Variants in FBRSL1 observed in about 807,000 individuals in gnomAD.
FBRSL1 encodes fibrosin-1-like protein.
In FBRSL1, 51 loss-of-function variants were observed where a neutral mutation model predicts 89.6. That is an observed-to-expected ratio of 0.57 (90% CI 0.45 to 0.72). FBRSL1 has a LOEUF of 0.72. FBRSL1 is among the 30% of genes least tolerant of loss of function. The pLI is 0.00. For missense variants in FBRSL1, 1,618 were observed against 1,451.8 expected (o/e 1.11, Z -1.86); for synonymous variants, 779 against 681.1 (o/e 1.14, Z -2.24).
chr12:132,543,843 G>A (rs943196112), intron 4 of FBRSL1, among the ~76,000 whole-genome samples: 2 of 152,320 alleles, frequency 1.3e-5, no homozygotes, highest in Non-Finnish European at 2.9e-5. Context: ...GCCCCACTGC[G>A]GCTCTCACAC....
intron 4 of FBRSL1, among the ~76,000 whole-genome samples, chr12:132,547,448 G>GA (rs1402078663): frequency 2.6e-5 from 4 of 152,186 alleles, no homozygotes; most frequent in Non-Finnish European, 5.9e-5. Flanking sequence ...AGCGGCCGTG[G>GA]CCCTCCGTGC....
rs2033527317 is a variant in FBRSL1, at chr12:132,505,180, A to G, written c.292-2973A>G. On this transcript the variant is annotated intron_variant, in intron 1 of 18. Coordinates refer to ENST00000680143, the MANE Select transcript of FBRSL1 (RefSeq NM_001367871.1). ...CACCACTTAGCAGAGCACCTGGCACAGACCTCACTGCGGTGAACACGATGA... is the reference window on the plus strand; with the variant it reads ...CACCACTTAGCAGAGCACCTGGCACGGACCTCACTGCGGTGAACACGATGA... Among the ~76,000 whole-genome samples the G allele has an allele frequency of 1.3e-5, 2 of 152,246 alleles. 1 individual carries two copies. The highest frequency in any genetic ancestry group is 4.8e-5 in the African/African-American group (2 of 41,468).
At chr12:132,539,157 C>T (rs1289192041) in intron 4 of FBRSL1, among the ~76,000 whole-genome samples, 1 of 152,110 alleles carries the variant, frequency 6.6e-6, no homozygotes, top group East Asian at 1.9e-4. Flanking sequence ...CCCTCGGGCT[C>T]CATGGCAGCT....
intron 6 of FBRSL1, among the ~76,000 whole-genome samples, chr12:132,569,156 G>A (rs997345375): frequency 1.3e-5 from 2 of 152,006 alleles, no homozygotes; most frequent in African/African-American, 4.8e-5. Context: ...TGACTCCTGG[G>A]GACTTGATCT....
chr12:132,583,493 G>C lies in FBRSL1; in HGVS notation c.2724G>C (p.Pro908=). The C allele has an allele frequency of 4.8e-6, 5 of 1,046,126 alleles. No homozygotes were observed. Among genetic ancestry groups the C allele is most frequent in the Non-Finnish European group, 4.6e-6 (4 of 868,856 alleles). 64.8% of individuals were successfully genotyped at this position (1,046,126 alleles called of 1,614,324 possible). A position where few individuals can be genotyped will look rare whatever the true frequency, so the allele number is the denominator to read the frequency against. ...GGGAGCTGGAGCGCGCGCGGGCCCC[G>C]CACCTGCCGCCCGCCGCCCCCGCCT... ...LRGELERARA[P]HLPPAAPALD... The change falls in exon 19 of 19, where the codon CCG becomes CCC. Residue 908 remains proline (P), a synonymous_variant. Coordinates refer to ENST00000680143, the MANE Select transcript of FBRSL1 (RefSeq NM_001367871.1).
At chr12:132,565,643 G>C (rs945129711) in intron 5 of FBRSL1, 4 of 152,244 alleles carry the variant, frequency 2.6e-5, no homozygotes, top group African/African-American at 9.6e-5. Context: ...ACGTGTACCC[G>C]AGTGTGTGTA....
intron 2 of FBRSL1, among the ~76,000 whole-genome samples, chr12:132,514,447 G>T (rs1484018536): frequency 6.6e-6 from 1 of 152,222 alleles, no homozygotes; most frequent in Non-Finnish European, 1.5e-5. Context: ...TGACCAGGCC[G>T]AGGCCACCGG....
chr12:132,547,423 G>A (rs962633711), intron 4 of FBRSL1, among the ~76,000 whole-genome samples: 7 of 152,186 alleles, frequency 4.6e-5, no homozygotes, highest in Non-Finnish European at 1.0e-4. Flanking sequence ...CGCTGGCATC[G>A]AGTGTCTAAC....
chr12:132,577,345 G>A (rs1017848333), intron 15 of FBRSL1, among the ~76,000 whole-genome samples: 13 of 152,140 alleles, frequency 8.5e-5, no homozygotes, highest in African/African-American at 2.9e-4. Flanking sequence ...AGGCCCACGC[G>A]AGGCTGCCCC....
intron 5 of FBRSL1, among the ~76,000 whole-genome samples, chr12:132,558,413 C>A (rs977167795): frequency 6.6e-6 from 1 of 152,242 alleles, no homozygotes; most frequent in Non-Finnish European, 1.5e-5. Context: ...GTACAGGCTT[C>A]AGGGCCCTGT....
intron 4 of FBRSL1, among the ~76,000 whole-genome samples, chr12:132,543,227 G>T (rs1472069828): frequency 6.6e-6 from 1 of 152,232 alleles, no homozygotes; most frequent in Non-Finnish European, 1.5e-5. Context: ...TGCCTCCTCC[G>T]ACTCAGAAGC....
In FBRSL1 at chr12:132,564,779, G is replaced by A. The variant is rs935173556; in HGVS notation, c.646-2702G>A. 7.1e-5 allele frequency among the ~76,000 whole-genome samples: 8 copies of A among 112,458 alleles called. 2 individuals carry two copies. The highest frequency in any genetic ancestry group is 1.2e-4 in the Non-Finnish European group (7 of 58,154). 73.8% of individuals were successfully genotyped at this position (112,458 alleles called of 152,430 possible). On this transcript the variant is annotated intron_variant, in intron 5 of 18. Coordinates refer to ENST00000680143, the MANE Select transcript of FBRSL1 (RefSeq NM_001367871.1). ...CGAGTAGCTGGGACTACAGGCGCCCGCCACCACGCCCGGCTAATTTTTTGT... is the reference window on the plus strand; with the variant it reads ...CGAGTAGCTGGGACTACAGGCGCCCACCACCACGCCCGGCTAATTTTTTGT...
chr12:132,548,889 G>A (rs10870465), intron 5 of FBRSL1, among the ~76,000 whole-genome samples: 57,356 of 152,110 alleles, frequency 0.38, 11,189 homozygotes, highest in Non-Finnish European at 0.44. Context: ...GACGATTCTC[G>A]CCCTGAGCCA....
At chr12:132,542,608 C>G (rs1171360426) in intron 4 of FBRSL1, among the ~76,000 whole-genome samples, 1 of 152,214 alleles carries the variant, frequency 6.6e-6, no homozygotes, top group East Asian at 1.9e-4. Flanking sequence ...GGATGGGAAG[C>G]TGGGGAGGTG....
intron 2 of FBRSL1, chr12:132,510,926 C>T (rs571251856): frequency 1.7e-5 from 17 of 997,470 alleles, no homozygotes; most frequent in Admixed American, 6.0e-5. Context: ...GTGCGGAGCG[C>T]GTGAGCCTGG....
intron 4 of FBRSL1, among the ~76,000 whole-genome samples, chr12:132,540,624 T>C (rs898816686): frequency 6.6e-5 from 10 of 151,900 alleles, no homozygotes; most frequent in African/African-American, 2.4e-4. Flanking sequence ...CACCACACAC[T>C]GTCACTGCCA....
At chr12:132,511,211 C>T (rs1284435586) in intron 2 of FBRSL1, 9 of 985,406 alleles carry the variant, frequency 9.1e-6, no homozygotes, top group African/African-American at 8.7e-5. Flanking sequence ...AGGACTCTGC[C>T]TCCACCACCC....
intron 3 of FBRSL1, 110 bp from the exon 4 acceptor site, chr12:132,527,843 G>A (rs948613494): frequency 4.7e-5 from 48 of 1,021,114 alleles, no homozygotes; most frequent in Non-Finnish European, 7.0e-5. Context: ...GAGCTGCAGG[G>A]CTGCGGGGCA....
At chr12:132,551,121 G>T (rs528706392) in intron 5 of FBRSL1, 97 of 342,500 alleles carry the variant, frequency 2.8e-4, no homozygotes, top group Non-Finnish European at 4.8e-4. Flanking sequence ...ACAGAGCCCT[G>T]CAGGCTCCAG....
Sources: gnomAD v4.1 joint callset for allele counts (sites outside exome capture counted in the v4.1 genomes callset) on GRCh38, gnomAD v4.1.1 for gene constraint, MANE v1.5 for transcripts, NCBI Gene and HGNC (gene_info 2026-07-23, HGNC 2026-07-21) for gene names.